Variants in CCDC33 observed in about 807,000 individuals in gnomAD.
The protein encoded by CCDC33 is coiled-coil domain containing 33.
CCDC33 carries 94 observed loss-of-function variants against 91.9 expected under a neutral mutation model. The ratio of observed to expected loss-of-function variants is 1.02; its 90% CI spans 0.87 to 1.21. CCDC33 has a LOEUF of 1.21. CCDC33 is among the 50% of genes most tolerant of loss of function. CCDC33 has a pLI of 0.00. For synonymous variants in CCDC33, 396 were observed against 374.5 expected (o/e 1.06, Z -0.66); for missense variants, 940 against 935.5 (o/e 1.00, Z -0.06).
intron 3 of CCDC33, among the ~76,000 whole-genome samples, chr15:74,262,778 A>G (rs1342292565): frequency 1.3e-5 from 2 of 152,186 alleles, no homozygotes; most frequent in African/African-American, 4.8e-5. Context: ...GTTCCACATA[A>G]ATGAATTTTC....
chr15:74,234,675 G>C (rs1244044985), upstream of CCDC33, among the ~76,000 whole-genome samples: 1 of 152,214 alleles, frequency 6.6e-6, no homozygotes, highest in Non-Finnish European at 1.5e-5. Flanking sequence ...TATCTTCCCA[G>C]GCAGGAAGAT....
chr15:74,274,640 A>G (rs1566989831), intron 7 of CCDC33, among the ~76,000 whole-genome samples: 1 of 152,210 alleles, frequency 6.6e-6, no homozygotes, highest in Non-Finnish European at 1.5e-5. Flanking sequence ...TACCTCACAC[A>G]TGGCCCTGCA....
chr15:74,251,680 G>GA lies in CCDC33; in HGVS notation c.185+7532_185+7533insA, dbSNP rs2075714950. On this transcript the variant is annotated intron_variant, in intron 2 of 18. Transcript: ENST00000398814. ...CTAGAGTCATACTCAGAGGATCCTT[G>GA]GTTTTCTTAGATAAGCCTGAGAGCC... 2.0e-5 allele frequency among the ~76,000 whole-genome samples: 3 copies of GA among 152,102 alleles called. No individual in the cohort carries two copies. The South Asian group carries it at 6.2e-4, about 32-fold the overall frequency.
rs544918881 is a variant in CCDC33, at chr15:74,266,449, G to A, written c.320-229G>A. ...GACCATGGGAGAAAATTGCATGTTG[G>A]GGTCCTAACAGCTGCCGGCATGGAG... On this transcript the variant is annotated intron_variant, in intron 3 of 18. Coordinates refer to ENST00000398814, the MANE Select transcript of CCDC33 (RefSeq NM_025055.5). 2.0e-5 allele frequency among the ~76,000 whole-genome samples: 3 copies of A among 152,318 alleles called. No homozygotes were observed. In the South Asian group the frequency reaches 6.2e-4, roughly 32 times the overall value.
At chr15:74,335,887 A>G in intron 18 of CCDC33, 38 bp from the exon 19 acceptor site, 4 of 1,497,666 alleles carry the variant, frequency 2.7e-6, no homozygotes, top group Non-Finnish European at 3.7e-6. Context: ...CCCCCTGGGA[A>G]TGGGGGGTAC....
At chr15:74,332,929 A>C in intron 16 of CCDC33, 84 bp downstream of exon 16, 4 of 1,508,928 alleles carry the variant, frequency 2.7e-6, no homozygotes, top group Non-Finnish European at 3.6e-6. Flanking sequence ...GTTGAAGATC[A>C]AGACCAGGAG....
At position 74,272,746 on chromosome 15, in the gene CCDC33, TGACCCTGTCTCCCTGCCTCCCCAGG is replaced by T; in HGVS notation, c.639-23_640del. On this transcript the variant is annotated splice_acceptor_variant and splice_polypyrimidine_tract_variant and coding_sequence_variant and intron_variant, in exon 7 of 19. Coordinates refer to ENST00000398814, the MANE Select transcript of CCDC33 (RefSeq NM_025055.5). LOFTEE classifies it high-confidence loss of function. ...GGCTCAGGTGCAGAGCCCAGAGCACTGACCCTGTCTCCCTGCCTCCCCAGGGTCAGCCAGGCTAACAGGGACCTGG... is the reference window on the plus strand; with the variant it reads ...GGCTCAGGTGCAGAGCCCAGAGCACTGTCAGCCAGGCTAACAGGGACCTGG... The T allele has an allele frequency of 1.2e-6, 2 of 1,612,658 alleles. No homozygotes were observed. Among genetic ancestry groups the T allele is most frequent in the Non-Finnish European group, 1.7e-6 (2 of 1,179,752 alleles).
chr15:74,207,684 C>T, intron 1 of CCDC33: 2 of 1,534,788 alleles, frequency 1.3e-6, no homozygotes, highest in South Asian at 1.2e-5. Flanking sequence ...GGGGGGATGG[C>T]CACTGTGCCC....
exon 1 of CCDC33, chr15:74,217,464 G>A (rs941789516): frequency 8.5e-6 from 11 of 1,289,742 alleles, no homozygotes; most frequent in Non-Finnish European, 1.0e-5. Context: ...GCAGTTGCAA[G>A]TGAATGATGG....
intron 10 of CCDC33, among the ~76,000 whole-genome samples, chr15:74,284,418 C>A (rs926655552): frequency 1.3e-5 from 2 of 152,150 alleles, no homozygotes; most frequent in Admixed American, 6.5e-5. Flanking sequence ...ATGAACAGGT[C>A]AGATGGCATT....
rs749016637 is a variant in CCDC33 at position 74,280,106 on chromosome 15, G to GGTGCCTCGCCAGGGCAGCC, written c.889+15_889+33dup. The GGTGCCTCGCCAGGGCAGCC allele has an allele frequency of 6.2e-7, 1 of 1,613,700 alleles. No homozygotes were observed. The highest frequency in any genetic ancestry group is 1.1e-5 in the South Asian group (1 of 91,056). On this transcript the variant is annotated intron_variant, in intron 8 of 18. Coordinates refer to ENST00000398814, the MANE Select transcript of CCDC33 (RefSeq NM_025055.5). ...CCTCAACTTCAAGTACGTGACCCCTGGTGCCTCGCCAGGGCAGCCATGCCT... is the reference window on the plus strand; with the variant it reads ...CCTCAACTTCAAGTACGTGACCCCTGGTGCCTCGCCAGGGCAGCCGTGCCTCGCCAGGGCAGCCATGCCT...
intron 2 of CCDC33, among the ~76,000 whole-genome samples, chr15:74,247,852 G>A (rs1431270264): frequency 6.6e-6 from 1 of 152,176 alleles, no homozygotes; most frequent in African/African-American, 2.4e-5. Flanking sequence ...CAAGACAGGT[G>A]GATCACCTGA....
chr15:74,324,116 T>C (rs2060261133), intron 11 of CCDC33, among the ~76,000 whole-genome samples: 1 of 145,324 alleles, frequency 6.9e-6, no homozygotes. Context: ...AAAAAAAGTG[T>C]GAGCCACTGT....
chr15:74,236,841 C>T (rs2142227639), intron 1 of CCDC33, 101 bp downstream of exon 1: 1 of 1,194,614 alleles, frequency 8.4e-7, no homozygotes, highest in South Asian at 1.4e-5. Context: ...ACAAAAGCTT[C>T]CCTTCCCTGG....
intron 1 of CCDC33, among the ~76,000 whole-genome samples, chr15:74,206,386 G>A (rs936958023): frequency 6.6e-6 from 1 of 152,238 alleles, no homozygotes; most frequent in African/African-American, 2.4e-5. Flanking sequence ...GCTCCCATCT[G>A]CAAAATGGGA....
intron 2 of CCDC33, among the ~76,000 whole-genome samples, chr15:74,257,933 A>T (rs2075916801): frequency 6.6e-6 from 1 of 152,080 alleles, no homozygotes. Context: ...AGCCTCTTGG[A>T]CTTCTGGAGG....
intron 18 of CCDC33, chr15:74,335,462 A>G: frequency 4.1e-6 from 2 of 486,950 alleles, no homozygotes; most frequent in Non-Finnish European, 7.4e-6. Flanking sequence ...GAATCCATAG[A>G]GCCTAAGATT....
At chr15:74,214,484 G>C (rs1211889174), upstream of CCDC33, among the ~76,000 whole-genome samples, 1 of 152,190 alleles carries the variant, frequency 6.6e-6, no homozygotes, top group Non-Finnish European at 1.5e-5. Flanking sequence ...CTGAATCAGG[G>C]AGGCAGCCAG....
At chr15:74,212,649 A>G (rs982384639), upstream of CCDC33, 1 of 152,172 alleles carries the variant, frequency 6.6e-6, no homozygotes, top group Non-Finnish European at 1.5e-5. Context: ...TGTTTTTACT[A>G]CTTACTAGCT....
Sources: allele counts gnomAD v4.1 joint callset (sites outside exome capture counted in the v4.1 genomes callset), GRCh38; gene constraint gnomAD v4.1.1; transcripts MANE v1.5; gene names NCBI Gene and HGNC (gene_info 2026-07-23, HGNC 2026-07-21).